EGF: variants seen among roughly 807,000 people sequenced by gnomAD.
The protein encoded by EGF is pro-epidermal growth factor.
EGF carries 95 observed loss-of-function variants against 143.8 expected under a neutral mutation model. That is an observed-to-expected ratio of 0.66 (90% CI 0.56 to 0.78). The LOEUF is 0.78. Among genes scored for constraint, EGF ranks in the 30% least tolerant of loss-of-function variants. The pLI is 0.00. For missense variants in EGF, 1,320 were observed against 1,470.9 expected, an observed-to-expected ratio of 0.90 and a Z score of 1.68; for synonymous variants, 510 against 510.5, an observed-to-expected ratio of 1.00 and a Z score of 0.01.
chr4:109,920,927 C>T (rs745843351), intron 1 of EGF, among the ~76,000 whole-genome samples: 2 of 151,614 alleles, frequency 1.3e-5, no homozygotes, highest in Non-Finnish European at 2.9e-5. Context: ...GTTGTGCACA[C>T]GGCCATCCCA....
Position 109,943,835 on chromosome 4 carries a change from C to T in EGF, c.510-7C>T. ...TTTTTGGGTCTATGTAATGTGTTTG[C>T]CCTCAGGTTTATATTTTGGTCTTCA... On this transcript the variant is annotated splice_region_variant and splice_polypyrimidine_tract_variant and intron_variant, in intron 3 of 23. Coordinates refer to ENST00000265171, the MANE Select transcript of EGF (RefSeq NM_001963.6). 2 of 1,612,984 alleles carry T rather than the reference C, an allele frequency of 1.2e-6. No homozygotes were observed. The highest frequency in any genetic ancestry group is 1.7e-6 in the Non-Finnish European group (2 of 1,179,110).
intron 5 of EGF, among the ~76,000 whole-genome samples, chr4:109,949,426 C>A (rs1743433508): frequency 6.6e-6 from 1 of 152,014 alleles, no homozygotes; most frequent in Non-Finnish European, 1.5e-5. Flanking sequence ...CCTTTCGGGG[C>A]CAAGTGATTT....
intron 21 of EGF, among the ~76,000 whole-genome samples, chr4:110,000,738 T>G (rs909528266): frequency 2.0e-5 from 3 of 152,236 alleles, no homozygotes; most frequent in Non-Finnish European, 4.4e-5. Context: ...GCTTCCTCTA[T>G]TATCATCAAT....
At position 109,925,288 on chromosome 4, in the gene EGF, A is replaced by G. The variant is rs182507487; in HGVS notation, c.127+11826A>G. ...GAAAACTGTACAGAAAGAATCAATGAAAATGTGATGAAGTAAGTACTAAGC... is the reference window on the plus strand; with the variant it reads ...GAAAACTGTACAGAAAGAATCAATGGAAATGTGATGAAGTAAGTACTAAGC... On this transcript the variant is annotated intron_variant, in intron 1 of 23. Transcript: ENST00000265171. 2.0e-5 allele frequency among the ~76,000 whole-genome samples: 3 copies of G among 152,370 alleles called. No homozygotes were observed. In the East Asian group the frequency reaches 5.8e-4, roughly 29 times the overall value.
intron 1 of EGF, among the ~76,000 whole-genome samples, chr4:109,929,662 C>T (rs1579481316): frequency 6.6e-6 from 1 of 152,266 alleles, no homozygotes; most frequent in East Asian, 1.9e-4. Context: ...TCTATCACTA[C>T]TCTAGGCAAT....
At chr4:109,990,789 G>A (rs76999629) in intron 18 of EGF, among the ~76,000 whole-genome samples, 5,224 of 152,146 alleles carry the variant, frequency 0.034, 307 homozygotes, top group African/African-American at 0.12. Flanking sequence ...AGAGAGAAAG[G>A]GAGACAGAGA....
At chr4:109,986,301 G>A (rs542916405) in intron 16 of EGF, among the ~76,000 whole-genome samples, 97 of 152,182 alleles carry the variant, frequency 6.4e-4, no homozygotes, top group Non-Finnish European at 1.2e-3. Flanking sequence ...TTGGGTAATC[G>A]GATACTGTCC....
At chr4:109,953,035 T>C (rs1180470374) in intron 5 of EGF, among the ~76,000 whole-genome samples, 5 of 152,158 alleles carry the variant, frequency 3.3e-5, no homozygotes, top group Non-Finnish European at 1.5e-5. Context: ...TATATCCCCG[T>C]GTGTCATTTA....
At position 109,976,046 on chromosome 4, in the gene EGF, C is replaced by G; in HGVS notation, c.1864C>G (p.Arg622Gly). ...CTGGACTGATACAGGGATTAATCCA[C>G]GAATTGAAAGTTCTTCCCTCCAAGG... is the stretch of plus-strand genomic sequence containing the variant. ...LFWTDTGINP[R>G]IESSSLQGLG... The change falls in exon 13 of 24, where the codon CGA (arginine) becomes GGA (glycine). Residue 622 changes from arginine (R) to glycine (G), a missense_variant. Coordinates refer to ENST00000265171, the MANE Select transcript of EGF (RefSeq NM_001963.6). The G allele has an allele frequency of 6.2e-7, 1 of 1,613,942 alleles. No individual in the cohort carries two copies. The highest frequency in any genetic ancestry group is 8.5e-7 in the Non-Finnish European group (1 of 1,179,840).
intron 5 of EGF, among the ~76,000 whole-genome samples, chr4:109,953,412 T>C (rs1236171573): frequency 3.3e-5 from 5 of 152,328 alleles, no homozygotes; most frequent in Admixed American, 2.6e-4. Flanking sequence ...GGGATTCTTA[T>C]ACAAAGAGGA....
At chr4:110,001,887 CTA>C (rs1424271052) in intron 21 of EGF, 1 of 985,420 alleles carries the variant, frequency 1.0e-6, no homozygotes, top group East Asian at 1.1e-4. Flanking sequence ...CTGAGTGAAT[CTA>C]TGGTTATTTA....
At chr4:109,923,477 C>T (rs1738139103) in intron 1 of EGF, among the ~76,000 whole-genome samples, 1 of 151,426 alleles carries the variant, frequency 6.6e-6, no homozygotes, top group African/African-American at 2.5e-5. Flanking sequence ...TTTGTACCTC[C>T]AATAAATTTG....
chr4:109,962,018 G>A, intron 8 of EGF, 33 bp downstream of exon 8: 1 of 1,611,986 alleles, frequency 6.2e-7, no homozygotes, highest in Non-Finnish European at 8.5e-7. Context: ...CCTTTTGTTT[G>A]TTTGAAAACA....
chr4:109,920,474 G>A (rs761075319), intron 1 of EGF, among the ~76,000 whole-genome samples: 2 of 151,530 alleles, frequency 1.3e-5, no homozygotes, highest in African/African-American at 2.4e-5. Flanking sequence ...TTGATGGGGC[G>A]AGGAGAAGAG....
chr4:109,966,194 A>AC (rs1305482619), intron 10 of EGF, among the ~76,000 whole-genome samples: 2 of 151,534 alleles, frequency 1.3e-5, no homozygotes, highest in Admixed American at 6.6e-5. Context: ...TTCACCTGTT[A>AC]CCCCCCTGCA....
intron 1 of EGF, among the ~76,000 whole-genome samples, chr4:109,936,850 T>C (rs1487635469): frequency 6.6e-6 from 1 of 152,214 alleles, no homozygotes; most frequent in African/African-American, 2.4e-5. Context: ...TTGTGGGGTT[T>C]TGAGTGAGTT....
At position 109,999,900 on chromosome 4, in the gene EGF, GA is replaced by G. The variant is rs990773958; in HGVS notation, c.3173+56del. ...AACCTCTTTCTAAGACCTCCCAGGGGAATGCCTGTCTCCTTGAGATGAGATG... is the reference window on the plus strand; with the variant it reads ...AACCTCTTTCTAAGACCTCCCAGGGGATGCCTGTCTCCTTGAGATGAGATG... On this transcript the variant is annotated intron_variant, in intron 21 of 23. Transcript: ENST00000265171. 3.3e-5 allele frequency: 53 copies of G among 1,608,956 alleles called. No homozygotes were observed. In the African/African-American group the frequency reaches 6.7e-4, roughly 20 times the overall value.
Position 109,968,973 on chromosome 4 carries a change from A to C in EGF, c.1578A>C (p.Ile526=). ...AATGCCTGTGTTCTCTTTTGTAGATATACTTTGCCCATACAGCCCTGAAGT... is the reference window on the plus strand; with the variant it reads ...AATGCCTGTGTTCTCTTTTGTAGATCTACTTTGCCCATACAGCCCTGAAGT... ...ALDHDPVENK[I]YFAHTALKWI... The change falls in exon 11 of 24, where the codon ATA becomes ATC. Residue 526 remains isoleucine, a splice_region_variant and synonymous_variant. Coordinates refer to ENST00000265171, the MANE Select transcript of EGF (RefSeq NM_001963.6). 6.2e-7 allele frequency: 1 copy of C among 1,614,140 alleles called. No homozygotes were observed. Among genetic ancestry groups the C allele is most frequent in the Non-Finnish European group, 8.5e-7 (1 of 1,180,000 alleles).
At chr4:109,920,318 A>G (rs1364691201) in intron 1 of EGF, among the ~76,000 whole-genome samples, 1 of 151,768 alleles carries the variant, frequency 6.6e-6, no homozygotes, top group Non-Finnish European at 1.5e-5. Context: ...ACTTATTGCA[A>G]ACAAAACAAT....
Sources: gnomAD v4.1 joint callset for allele counts (sites outside exome capture counted in the v4.1 genomes callset) on GRCh38, gnomAD v4.1.1 for gene constraint, MANE v1.5 for transcripts, NCBI Gene and HGNC (gene_info 2026-07-23, HGNC 2026-07-21) for gene names.